TRIO: variants seen among roughly 807,000 people sequenced by gnomAD.
The protein encoded by TRIO is triple functional domain protein.
Under a neutral mutation model 351.9 loss-of-function variants are expected in TRIO, and 58 were observed. That is an observed-to-expected ratio of 0.16 (90% CI 0.13 to 0.21). TRIO has a LOEUF of 0.21. TRIO is among the 10% of genes least tolerant of loss of function. The pLI, the probability that TRIO is intolerant of heterozygous loss-of-function variation, is 1.00. For missense variants in TRIO, 3,201 were observed against 4,027.8 expected, an observed-to-expected ratio of 0.79 and a Z score of 5.56; for synonymous variants, 1,758 against 1,595.7, an observed-to-expected ratio of 1.10 and a Z score of -2.42.
chr5:14,155,683 G>T (rs955974555), intron 1 of TRIO, among the ~76,000 whole-genome samples: 5 of 152,204 alleles, frequency 3.3e-5, no homozygotes, highest in African/African-American at 1.2e-4. Context: ...TGCATTTTTG[G>T]CAGAAGGGCT....
At chr5:14,343,018 T>C (rs888953141) in intron 11 of TRIO, among the ~76,000 whole-genome samples, 1 of 151,666 alleles carries the variant, frequency 6.6e-6, no homozygotes, top group Non-Finnish European at 1.5e-5. Flanking sequence ...AGATGTCATA[T>C]CTTTAAACAT....
intron 45 of TRIO, 140 bp downstream of exon 45, chr5:14,481,758 GA>G: frequency 3.0e-6 from 1 of 330,576 alleles, no homozygotes. Context: ...CAATCTGATT[GA>G]TATTTTATTT....
chr5:14,283,417 G>C (rs1002503723), intron 3 of TRIO, among the ~76,000 whole-genome samples: 8 of 152,170 alleles, frequency 5.3e-5, no homozygotes, highest in African/African-American at 1.9e-4. Flanking sequence ...TGGGACACAT[G>C]ACTTCACTTT....
Position 14,421,909 on chromosome 5 carries a change from G to C in TRIO, c.5203+1888G>C, listed in dbSNP as rs560549737. ...CAGGAGCAGGAGGCCTCTGTCCCCT[G>C]GGAAGCAGAGACCCAGGCTTGCCTC... On this transcript the variant is annotated intron_variant, in intron 34 of 56. Transcript: ENST00000344204. 1.7e-3 allele frequency among the ~76,000 whole-genome samples: 256 copies of C among 152,286 alleles called. 1 individual carries two copies. Among genetic ancestry groups the C allele is most frequent in the African/African-American group, 5.9e-3 (245 of 41,568 alleles).
At chr5:14,484,019 C>A (rs1453989186) in intron 46 of TRIO, among the ~76,000 whole-genome samples, 2 of 151,934 alleles carry the variant, frequency 1.3e-5, no homozygotes, top group Admixed American at 1.3e-4. Flanking sequence ...CTGCACTGCA[C>A]CCATCCCCTG....
chr5:14,476,537 A>G (rs956461752), intron 40 of TRIO, among the ~76,000 whole-genome samples: 2 of 152,232 alleles, frequency 1.3e-5, no homozygotes, highest in African/African-American at 2.4e-5. Flanking sequence ...CACGCCTGTA[A>G]TCCCAGCACA....
chr5:14,219,456 C>A lies in TRIO; in HGVS notation c.158-51369C>A, dbSNP rs560115633. On this transcript the variant is annotated intron_variant, in intron 1 of 56. Coordinates refer to ENST00000344204, the MANE Select transcript of TRIO (RefSeq NM_007118.4). Reference sequence around the variant, plus strand: ...TTCTAAAGTGTGCCTGTCTTACCAACCCGTGTGGGAATGCTGCCCGCGTGT... The same window carrying A: ...TTCTAAAGTGTGCCTGTCTTACCAAACCGTGTGGGAATGCTGCCCGCGTGT... 1.8e-4 allele frequency among the ~76,000 whole-genome samples: 27 copies of A among 152,302 alleles called. 1 individual carries two copies. The highest frequency in any genetic ancestry group is 5.8e-4 in the African/African-American group (24 of 41,564).
At chr5:14,434,918 G>A (rs1314404149) in intron 34 of TRIO, among the ~76,000 whole-genome samples, 1 of 152,164 alleles carries the variant, frequency 6.6e-6, no homozygotes, top group Non-Finnish European at 1.5e-5. Context: ...CCCAATTTGA[G>A]TTTATCTAAT....
rs16903372 is a variant in TRIO, at chr5:14,298,945, A to G, written c.1368+1682A>G. On this transcript the variant is annotated intron_variant, in intron 7 of 56. Transcript: ENST00000344204. ...CCTTATCGTTGTACAAAGTAGCAAT[A>G]CCCTCGATCATTTGGCAGTAAGGTG... 6.1e-3 allele frequency among the ~76,000 whole-genome samples: 929 copies of G among 152,358 alleles called. 12 individuals carry two copies. The highest frequency in any genetic ancestry group is 0.022 in the African/African-American group (900 of 41,578).
At chr5:14,387,389 G>C in intron 21 of TRIO, 49 bp from the exon 22 acceptor site, 1 of 1,543,846 alleles carries the variant, frequency 6.5e-7, no homozygotes, top group African/African-American at 1.4e-5. Context: ...TGAGGTTTCT[G>C]GCAGTCGGAT....
intron 34 of TRIO, among the ~76,000 whole-genome samples, chr5:14,458,292 T>C (rs1753517457): frequency 6.6e-6 from 1 of 152,222 alleles, no homozygotes; most frequent in East Asian, 1.9e-4. Context: ...GTGTGCCTAC[T>C]GTATGCCAGG....
chr5:14,405,780 G>A, intron 31 of TRIO, 68 bp from the exon 32 acceptor site: 1 of 1,492,344 alleles, frequency 6.7e-7, no homozygotes, highest in Non-Finnish European at 9.0e-7. Context: ...CAGGAAACCT[G>A]GGTGTGGTTA....
chr5:14,499,763 A>G (rs554275519), intron 53 of TRIO, among the ~76,000 whole-genome samples: 2 of 152,080 alleles, frequency 1.3e-5, no homozygotes, highest in East Asian at 3.9e-4. Context: ...AGAAAGGTAT[A>G]CTATTCAGCT....
intron 1 of TRIO, among the ~76,000 whole-genome samples, chr5:14,246,684 C>T (rs1379917575): frequency 2.0e-5 from 3 of 152,188 alleles, no homozygotes; most frequent in East Asian, 1.9e-4. Context: ...AGTCACCCCT[C>T]GCCTCCTGTT....
chr5:14,372,943 C>T (rs927083024), intron 18 of TRIO, among the ~76,000 whole-genome samples: 4 of 152,188 alleles, frequency 2.6e-5, no homozygotes, highest in Non-Finnish European at 4.4e-5. Flanking sequence ...TTAGTTGACT[C>T]ACAGTTCCAT....
At chr5:14,445,041 A>G (rs1347076297) in intron 34 of TRIO, among the ~76,000 whole-genome samples, 3 of 152,182 alleles carry the variant, frequency 2.0e-5, no homozygotes, top group Non-Finnish European at 4.4e-5. Flanking sequence ...CTTTCTAAGT[A>G]TATCTCTTCA....
chr5:14,172,217 G>A (rs1444937305), intron 1 of TRIO, among the ~76,000 whole-genome samples: 1 of 152,180 alleles, frequency 6.6e-6, no homozygotes, highest in East Asian at 1.9e-4. Flanking sequence ...GTTTTAATTT[G>A]TCTTGAGGGC....
intron 34 of TRIO, among the ~76,000 whole-genome samples, chr5:14,432,413 G>A (rs899958579): frequency 2.6e-5 from 4 of 152,302 alleles, no homozygotes; most frequent in South Asian, 4.1e-4. Flanking sequence ...GCCAGACATC[G>A]TTTATGGAAG....
intron 18 of TRIO, among the ~76,000 whole-genome samples, chr5:14,371,458 A>G (rs1745097611): frequency 6.6e-6 from 1 of 152,236 alleles, no homozygotes; most frequent in East Asian, 1.9e-4. Context: ...GTATGGGCAT[A>G]TATCTACCTT....
Sources: allele counts gnomAD v4.1 joint callset (sites outside exome capture counted in the v4.1 genomes callset), GRCh38; gene constraint gnomAD v4.1.1; transcripts MANE v1.5; gene names NCBI Gene and HGNC (gene_info 2026-07-23, HGNC 2026-07-21).